PTPRD: variants seen among roughly 807,000 people sequenced by gnomAD.
PTPRD encodes protein tyrosine phosphatase receptor type D, also known as receptor-type tyrosine-protein phosphatase delta.
In PTPRD, 34 loss-of-function variants were observed where a neutral mutation model predicts 214.5. The observed-to-expected ratio is 0.16, with a 90% CI of 0.12 to 0.21. The LOEUF (loss-of-function observed/expected upper bound fraction) is 0.21. Among genes scored for constraint, PTPRD ranks in the 10% least tolerant of loss-of-function variants. The probability of loss-of-function intolerance (pLI) is 1.00; values close to 1 mark genes in which losing one functional copy is unlikely to be tolerated. For synonymous variants in PTPRD, 1,128 were observed against 845.7 expected, an observed-to-expected ratio of 1.33 and a Z score of -5.79; for missense variants, 2,545 against 2,398.7, an observed-to-expected ratio of 1.06 and a Z score of -1.27.
intron 11 of PTPRD, among the ~76,000 whole-genome samples, chr9:9,016,979 G>A (rs1008947432): frequency 2.0e-5 from 3 of 151,786 alleles, no homozygotes; most frequent in African/African-American, 7.3e-5. Flanking sequence ...TTTCTCTTTT[G>A]CCCCCACAGA....
chr9:10,004,216 G>C (rs550268840), intron 4 of PTPRD, among the ~76,000 whole-genome samples: 3 of 151,788 alleles, frequency 2.0e-5, no homozygotes, highest in Non-Finnish European at 4.4e-5. Context: ...TGTATATATT[G>C]GGTGTTGTTT....
At chr9:9,745,628 A>G (rs1336175576) in intron 6 of PTPRD, among the ~76,000 whole-genome samples, 1 of 152,120 alleles carries the variant, frequency 6.6e-6, no homozygotes, top group African/African-American at 2.4e-5. Flanking sequence ...CTTTCTGAAG[A>G]TTCTGAACTC....
At chr9:8,788,253 A>ATTTTTT (rs776984034) in intron 11 of PTPRD, among the ~76,000 whole-genome samples, 28 of 85,240 alleles carry the variant, frequency 3.3e-4, no homozygotes, top group Admixed American at 5.9e-4. Context: ...ATATAAGATG[A>ATTTTTT]TTTTTTTTTT....
intron 8 of PTPRD, among the ~76,000 whole-genome samples, chr9:9,413,425 A>G (rs951381020): frequency 1.3e-5 from 2 of 152,096 alleles, no homozygotes; most frequent in Admixed American, 1.3e-4. Context: ...GCAGCTTCTT[A>G]TTTTAAATCA....
At chr9:10,592,962 G>C (rs568869484) in intron 2 of PTPRD, among the ~76,000 whole-genome samples, 2 of 151,724 alleles carry the variant, frequency 1.3e-5, no homozygotes, top group Non-Finnish European at 2.9e-5. Context: ...ATGTTCTTTC[G>C]CTCTTCACAA....
intron 3 of PTPRD, among the ~76,000 whole-genome samples, chr9:10,246,528 C>A (rs2092135319): frequency 6.6e-6 from 1 of 152,114 alleles, no homozygotes; most frequent in Non-Finnish European, 1.5e-5. Flanking sequence ...GCGGTGTGAG[C>A]CACCGCACCT....
intron 12 of PTPRD, among the ~76,000 whole-genome samples, chr9:8,659,968 A>T (rs1345390930): frequency 6.6e-6 from 1 of 152,258 alleles, no homozygotes; most frequent in African/African-American, 2.4e-5. Context: ...ATGCAATATC[A>T]TACCTATTAT....
At chr9:9,355,598 T>C (rs1370673187) in intron 9 of PTPRD, among the ~76,000 whole-genome samples, 1 of 151,554 alleles carries the variant, frequency 6.6e-6, no homozygotes, top group Non-Finnish European at 1.5e-5. Flanking sequence ...TCATTTTATA[T>C]GTTTTCTAGA....
chr9:10,257,976 A>G (rs114857952), intron 3 of PTPRD, among the ~76,000 whole-genome samples: 1,725 of 152,128 alleles, frequency 0.011, 38 homozygotes, highest in African/African-American at 0.039. Context: ...AAAATAAAGG[A>G]AGGGAAGGAG....
intron 10 of PTPRD, among the ~76,000 whole-genome samples, chr9:9,143,795 C>T (rs1196444231): frequency 1.3e-5 from 2 of 152,200 alleles, no homozygotes; most frequent in Non-Finnish European, 2.9e-5. Context: ...GGTAGAAAAT[C>T]ATTATGGTTT....
chr9:8,926,014 T>G (rs1384350518), intron 11 of PTPRD, among the ~76,000 whole-genome samples: 1 of 151,962 alleles, frequency 6.6e-6, no homozygotes, highest in African/African-American at 2.4e-5. Flanking sequence ...TAAAATGACA[T>G]GAAATGGACT....
At chr9:8,324,532 G>A (rs1004150461) in intron 44 of PTPRD, among the ~76,000 whole-genome samples, 5 of 152,064 alleles carry the variant, frequency 3.3e-5, no homozygotes, top group African/African-American at 1.2e-4. Context: ...ACAAGTCTTT[G>A]CTATTGTGAA....
chr9:9,753,860 A>G (rs939856281), intron 6 of PTPRD, among the ~76,000 whole-genome samples: 20 of 152,112 alleles, frequency 1.3e-4, no homozygotes, highest in African/African-American at 4.8e-4. Context: ...CTATCCTTAC[A>G]TTGAATCCAT....
chr9:10,138,814 TAG>T (rs1372724550), intron 3 of PTPRD, among the ~76,000 whole-genome samples: 1 of 152,042 alleles, frequency 6.6e-6, no homozygotes, highest in African/African-American at 2.4e-5. Flanking sequence ...ATGACCTCAA[TAG>T]ATTCAGAAAA....
chr9:9,703,183 C>G (rs1483414187), intron 7 of PTPRD, among the ~76,000 whole-genome samples: 1 of 152,146 alleles, frequency 6.6e-6, no homozygotes, highest in East Asian at 1.9e-4. Context: ...CCCTCACACA[C>G]TCTTGCTCTC....
chr9:8,628,924 T>G (rs1374478898), intron 14 of PTPRD, among the ~76,000 whole-genome samples: 4 of 151,762 alleles, frequency 2.6e-5, no homozygotes, highest in Non-Finnish European at 5.9e-5. Flanking sequence ...ACAAAGCCAG[T>G]TCCCTATAAA....
chr9:8,791,377 C>A (rs951392847), intron 11 of PTPRD, among the ~76,000 whole-genome samples: 2 of 151,952 alleles, frequency 1.3e-5, no homozygotes, highest in African/African-American at 2.4e-5. Context: ...AGGCGCACAC[C>A]ATCACACCCA....
At chr9:9,438,980 A>G (rs1317382309) in intron 8 of PTPRD, among the ~76,000 whole-genome samples, 1 of 152,148 alleles carries the variant, frequency 6.6e-6, no homozygotes, top group African/African-American at 2.4e-5. Flanking sequence ...AACTAAGTCA[A>G]TATCCTATAT....
rs186836824 is a variant in PTPRD at position 9,782,851 on chromosome 9, T to C, written c.-367-16000A>G. On this transcript the variant is annotated intron_variant, in intron 5 of 45. Coordinates refer to ENST00000381196, the MANE Select transcript of PTPRD (RefSeq NM_002839.4). ...AAAACGAAAGTTCATCTTACTGTTT[T>C]GTGATTGGATACATCTGCTTCCTTG... is the stretch of plus-strand genomic sequence containing the variant. 1.9e-3 allele frequency among the ~76,000 whole-genome samples: 294 copies of C among 152,330 alleles called. 3 individuals carry two copies. Among genetic ancestry groups the C allele is most frequent in the Non-Finnish European group, 8.1e-4 (55 of 68,004 alleles).
Sources: gnomAD v4.1 joint callset for allele counts (sites outside exome capture counted in the v4.1 genomes callset) on GRCh38, gnomAD v4.1.1 for gene constraint, MANE v1.5 for transcripts, NCBI Gene and HGNC (gene_info 2026-07-23, HGNC 2026-07-21) for gene names.